The following KANSL1 variants were observed in gnomAD, a reference collection of about 807,000 sequenced individuals.
The protein encoded by KANSL1 is MLL1/MLL complex subunit KANSL1.
A neutral mutation model predicts 103.6 loss-of-function variants in KANSL1; 22 were observed. The ratio of observed to expected loss-of-function variants is 0.21; its 90% CI spans 0.15 to 0.30. KANSL1 has a LOEUF of 0.30. KANSL1 is among the 10% of genes least tolerant of loss of function. The pLI is 1.00. For synonymous variants in KANSL1, 600 were observed against 527.6 expected (o/e 1.14, Z -1.88); for missense variants, 1,337 against 1,399.8 (o/e 0.96, Z 0.72).
At chr17:46,215,747 T>C (rs1406425668) in intron 1 of KANSL1, among the ~76,000 whole-genome samples, 1 of 152,162 alleles carries the variant, frequency 6.6e-6, no homozygotes, top group South Asian at 2.1e-4. Context: ...CATTTTAAAA[T>C]GCCCATAAGA....
chr17:46,142,783 T>A (rs959123417), intron 2 of KANSL1, among the ~76,000 whole-genome samples: 1 of 152,276 alleles, frequency 6.6e-6, no homozygotes, highest in Admixed American at 6.5e-5. Flanking sequence ...ACCTGCTTGT[T>A]ACACTGCTGG....
chr17:46,124,745 A>G (rs986549577), intron 2 of KANSL1, among the ~76,000 whole-genome samples: 10 of 152,260 alleles, frequency 6.6e-5, no homozygotes, highest in African/African-American at 2.4e-4. Flanking sequence ...CGAGAGGTTC[A>G]AGACATTGCT....
chr17:46,043,974 T>G (rs1164435595), intron 7 of KANSL1: 74 of 148,824 alleles, frequency 5.0e-4, no homozygotes, highest in Non-Finnish European at 4.5e-5. Context: ...GGAACCCAGT[T>G]AGATCCCCCA....
chr17:46,217,092 C>G (rs1288983174), intron 1 of KANSL1, among the ~76,000 whole-genome samples: 1 of 114,978 alleles, frequency 8.7e-6, no homozygotes, highest in Non-Finnish European at 1.7e-5. Context: ...GCCTGAATGA[C>G]AAAGGGAGAC....
intron 3 of KANSL1, among the ~76,000 whole-genome samples, chr17:46,087,392 G>A (rs2079204969): frequency 6.6e-6 from 1 of 152,140 alleles, no homozygotes; most frequent in South Asian, 2.1e-4. Context: ...CAAAAAGGAT[G>A]AAAACAGCTA....
Position 46,193,333 on chromosome 17 carries a change from G to C in KANSL1, c.-600C>G, listed in dbSNP as rs1409397195. 1 of 157,246 alleles carries C rather than the reference G, an allele frequency of 6.4e-6. No homozygotes were observed. The highest frequency in any genetic ancestry group is 2.0e-4 in the South Asian group (1 of 5,010). 9.7% of individuals were successfully genotyped at this position (157,246 alleles called of 1,614,324 possible). On this transcript the variant is annotated 5_prime_UTR_variant, in exon 1 of 15. Transcript: ENST00000432791. ...CGCTACGGTGCTCGGTTCTCCCGCC[G>C]GCTCGGCGAGCGGTGGCGGCGGTGG...
chr17:46,144,604 T>A (rs1257558176), intron 2 of KANSL1, among the ~76,000 whole-genome samples: 3 of 152,190 alleles, frequency 2.0e-5, no homozygotes, highest in Non-Finnish European at 4.4e-5. Context: ...AACCTGTATA[T>A]GACAGGGGGT....
chr17:46,096,302 C>CT (rs1273083741), intron 2 of KANSL1, among the ~76,000 whole-genome samples: 4 of 82,548 alleles, frequency 4.8e-5, no homozygotes, highest in Middle Eastern at 8.3e-3. Flanking sequence ...ACATACCTGG[C>CT]TTTTTTTTCT....
In KANSL1 at chr17:46,173,324, C is replaced by T. The variant is rs118174988; in HGVS notation, c.-89-1092G>A. On this transcript the variant is annotated intron_variant, in intron 1 of 14. Coordinates refer to ENST00000432791, the MANE Select transcript of KANSL1 (RefSeq NM_015443.4). ...CCTATAACCTCTATGTTCCTCAAGC[C>T]CCCTGAAGCTCAGAATTCACTTTCT... Among the ~76,000 whole-genome samples the T allele has an allele frequency of 1.2e-4, 19 of 152,312 alleles. 1 individual carries two copies. In the East Asian group the frequency reaches 3.7e-3, roughly 29 times the overall value.
At chr17:46,117,679 A>T (rs2043103951) in intron 2 of KANSL1, among the ~76,000 whole-genome samples, 1 of 152,244 alleles carries the variant, frequency 6.6e-6, no homozygotes, top group Non-Finnish European at 1.5e-5. Context: ...GATGGATCTG[A>T]CTAAAGAAAT....
chr17:46,130,824 C>G (rs1023964175), intron 2 of KANSL1, among the ~76,000 whole-genome samples: 1 of 152,182 alleles, frequency 6.6e-6, no homozygotes, highest in African/African-American at 2.4e-5. Context: ...CACATATCAA[C>G]AGCTAACTTT....
chr17:46,064,990 AAGAC>A (rs1270551708), intron 6 of KANSL1, among the ~76,000 whole-genome samples: 1 of 151,996 alleles, frequency 6.6e-6, no homozygotes, highest in African/African-American at 2.4e-5. Flanking sequence ...GTTTTTTTAA[AAGAC>A]AGAGTCTCAA....
intron 4 of KANSL1, 42 bp downstream of exon 4, chr17:46,082,399 T>C (rs1426014057): frequency 3.0e-6 from 4 of 1,340,312 alleles, no homozygotes; most frequent in Non-Finnish European, 4.3e-6. Context: ...GACAACACCC[T>C]TAATTCTCAC....
intron 3 of KANSL1, among the ~76,000 whole-genome samples, chr17:46,087,027 C>G (rs2079189343): frequency 6.6e-6 from 1 of 152,104 alleles, no homozygotes. Context: ...CCTGGCCTCC[C>G]AAAGTGCCGG....
intron 1 of KANSL1, 77 bp from the exon 2 acceptor site, chr17:46,172,309 C>T (rs764517732): frequency 2.7e-6 from 2 of 745,530 alleles, no homozygotes; most frequent in Non-Finnish European, 4.2e-6. Context: ...AAAAGCACTA[C>T]TTGAGGCTGT....
At chr17:46,126,440 C>CA (rs149079649) in intron 2 of KANSL1, among the ~76,000 whole-genome samples, 21,529 of 150,232 alleles carry the variant, frequency 0.14, 2,108 homozygotes, top group Middle Eastern at 0.22. Context: ...AACTACGTCT[C>CA]AAAAAAAAAG....
intron 10 of KANSL1, among the ~76,000 whole-genome samples, chr17:46,036,560 T>C (rs1352989949): frequency 2.0e-5 from 3 of 152,214 alleles, no homozygotes; most frequent in Admixed American, 2.0e-4. Context: ...TTAAAGTATA[T>C]GGGATTTAAA....
intron 1 of KANSL1, among the ~76,000 whole-genome samples, chr17:46,213,826 G>A (rs899843637): frequency 6.6e-6 from 1 of 151,988 alleles, no homozygotes; most frequent in Non-Finnish European, 1.5e-5. Context: ...GCTGAGGAAC[G>A]AGGATTGCTT....
chr17:46,074,230 C>A (rs2078678632), intron 4 of KANSL1, among the ~76,000 whole-genome samples: 1 of 152,022 alleles, frequency 6.6e-6, no homozygotes, highest in East Asian at 1.9e-4. Flanking sequence ...GACACAGGAG[C>A]CAATCTGAAA....
Sources: gnomAD v4.1 joint callset for allele counts (sites outside exome capture counted in the v4.1 genomes callset) on GRCh38, gnomAD v4.1.1 for gene constraint, MANE v1.5 for transcripts, NCBI Gene and HGNC (gene_info 2026-07-23, HGNC 2026-07-21) for gene names.